Variants in CCDC102B observed in about 807,000 individuals in gnomAD.
CCDC102B encodes the protein coiled-coil domain containing 102B.
In CCDC102B, 75 loss-of-function variants were observed where a neutral mutation model predicts 57.4. The ratio of observed to expected loss-of-function variants is 1.31; its 90% CI spans 1.08 to 1.58. The LOEUF (loss-of-function observed/expected upper bound fraction) is 1.58, where lower values mean the gene tolerates loss of function less well. CCDC102B is among the 40% of genes most tolerant of loss of function. The pLI is 0.00. For missense variants in CCDC102B, 636 were observed against 582.6 expected, an observed-to-expected ratio of 1.09 and a Z score of -0.94; for synonymous variants, 206 against 201.9, an observed-to-expected ratio of 1.02 and a Z score of -0.17.
At position 68,736,135 on chromosome 18, in the gene CCDC102B, AT is replaced by A. The variant is rs559658605; in HGVS notation, c.-67+19549del. Among the ~76,000 whole-genome samples the A allele has an allele frequency of 8.9e-4, 135 of 152,214 alleles. 4 individuals carry two copies. In the South Asian group the frequency reaches 0.028, roughly 31 times the overall value. On this transcript the variant is annotated intron_variant, in intron 2 of 3. Transcript: ENST00000578970. ...ATTTAGGTGGAGAGGAATTTTTAGG[AT>A]TTTTTTTAAAGTTTTTGAAATAAAT...
intron 6 of CCDC102B, among the ~76,000 whole-genome samples, chr18:68,959,753 T>C (rs975563918): frequency 1.3e-5 from 2 of 151,936 alleles, no homozygotes; most frequent in African/African-American, 4.8e-5. Flanking sequence ...AGCAGAAATG[T>C]CTCCCTATGG....
intron 6 of CCDC102B, among the ~76,000 whole-genome samples, chr18:68,914,586 G>A (rs2040995991): frequency 6.6e-6 from 1 of 152,162 alleles, no homozygotes. Context: ...TGGATTGCAT[G>A]GAGGCTGGAG....
At chr18:68,910,885 A>G (rs2040815607) in intron 6 of CCDC102B, among the ~76,000 whole-genome samples, 1 of 149,930 alleles carries the variant, frequency 6.7e-6, no homozygotes, top group African/African-American at 2.5e-5. Context: ...ATGAAAAATG[A>G]AAAATTAGCC....
chr18:68,730,598 T>C (rs944519653), intron 2 of CCDC102B, among the ~76,000 whole-genome samples: 1 of 152,224 alleles, frequency 6.6e-6, no homozygotes, highest in Non-Finnish European at 1.5e-5. Context: ...AGAACACTTA[T>C]GATCTGTTAT....
At chr18:69,001,393 T>C (rs2051196888) in intron 6 of CCDC102B, among the ~76,000 whole-genome samples, 1 of 152,084 alleles carries the variant, frequency 6.6e-6, no homozygotes, top group South Asian at 2.1e-4. Flanking sequence ...GACTTTTCCT[T>C]AGTTCAGCTA....
intron 6 of CCDC102B, among the ~76,000 whole-genome samples, chr18:69,006,412 T>C (rs190595857): frequency 2.4e-5 from 3 of 124,080 alleles, no homozygotes; most frequent in Admixed American, 8.3e-5. Context: ...TTTATTTATT[T>C]ATTTATTTAT....
intron 6 of CCDC102B, among the ~76,000 whole-genome samples, chr18:68,995,375 C>A (rs370534188): frequency 6.6e-6 from 1 of 152,114 alleles, no homozygotes; most frequent in Non-Finnish European, 1.5e-5. Flanking sequence ...ATGTCAGAGA[C>A]CTTCAAAGCA....
intron 7 of CCDC102B, among the ~76,000 whole-genome samples, chr18:69,019,553 A>G (rs2051767892): frequency 6.6e-6 from 1 of 152,052 alleles, no homozygotes; most frequent in Non-Finnish European, 1.5e-5. Context: ...TAGAAACACA[A>G]CTGGATTTTG....
intron 6 of CCDC102B, among the ~76,000 whole-genome samples, chr18:68,907,505 A>C (rs1170043884): frequency 6.6e-6 from 1 of 152,184 alleles, no homozygotes; most frequent in Admixed American, 6.5e-5. Context: ...ATAAGTCTTT[A>C]ACCTCCTTGG....
intron 7 of CCDC102B, among the ~76,000 whole-genome samples, chr18:69,018,632 G>A (rs1008402092): frequency 3.3e-5 from 5 of 152,034 alleles, no homozygotes; most frequent in African/African-American, 9.6e-5. Flanking sequence ...GGGTATTTTT[G>A]CTATTGAGCT....
intron 3 of CCDC102B, among the ~76,000 whole-genome samples, chr18:68,840,250 C>T (rs946619580): frequency 1.5e-4 from 23 of 152,028 alleles, no homozygotes; most frequent in African/African-American, 5.6e-4. Context: ...TATATACACA[C>T]AATGTATTAT....
At chr18:68,845,207 C>A (rs1227610461) in intron 3 of CCDC102B, among the ~76,000 whole-genome samples, 4 of 151,654 alleles carry the variant, frequency 2.6e-5, no homozygotes, top group Non-Finnish European at 5.9e-5. Context: ...GTATTGTTAC[C>A]AGGAAGAATC....
At chr18:68,875,761 A>C (rs118062228) in intron 5 of CCDC102B, among the ~76,000 whole-genome samples, 1,594 of 152,216 alleles carry the variant, frequency 0.01, 33 homozygotes, top group East Asian at 0.078. Context: ...ATAATCATGA[A>C]ACAGGATTTT....
chr18:68,956,334 T>TATATAATATATATATAAA (rs1555732881), intron 6 of CCDC102B, among the ~76,000 whole-genome samples: 24,839 of 72,826 alleles, frequency 0.34, 4,799 homozygotes, highest in East Asian at 0.58. Flanking sequence ...ATATATATTA[T>TATATAATATATATATAAA]ATATAATATA....
intron 6 of CCDC102B, among the ~76,000 whole-genome samples, chr18:68,960,914 G>A (rs1330690893): frequency 2.0e-5 from 3 of 152,084 alleles, no homozygotes; most frequent in Admixed American, 6.5e-5. Context: ...TTCCTATCTT[G>A]TTCAGTGCCT....
intron 1 of CCDC102B, among the ~76,000 whole-genome samples, chr18:68,809,019 G>A (rs2036146116): frequency 1.3e-5 from 2 of 152,090 alleles, no homozygotes; most frequent in Non-Finnish European, 2.9e-5. Flanking sequence ...TTAATCATGT[G>A]TTTTAAGAAA....
At chr18:68,862,310 G>T (rs1295839208) in intron 4 of CCDC102B, among the ~76,000 whole-genome samples, 1 of 151,996 alleles carries the variant, frequency 6.6e-6, no homozygotes, top group Non-Finnish European at 1.5e-5. Context: ...TGACTCTGTG[G>T]ACAAAAATCA....
At chr18:68,970,869 G>GA (rs1168860758) in intron 6 of CCDC102B, among the ~76,000 whole-genome samples, 1 of 151,846 alleles carries the variant, frequency 6.6e-6, no homozygotes, top group East Asian at 1.9e-4. Context: ...GTCCTATATT[G>GA]AAAACTGTTT....
chr18:68,889,930 T>G (rs1411768528), intron 5 of CCDC102B, among the ~76,000 whole-genome samples: 1 of 152,232 alleles, frequency 6.6e-6, no homozygotes, highest in Non-Finnish European at 1.5e-5. Context: ...CTTTCAGGCA[T>G]GCATGTGTTC....
Sources: allele counts gnomAD v4.1 joint callset (sites outside exome capture counted in the v4.1 genomes callset), GRCh38; gene constraint gnomAD v4.1.1; transcripts MANE v1.5; gene names NCBI Gene and HGNC (gene_info 2026-07-23, HGNC 2026-07-21).